Variants in PKIB observed in about 807,000 individuals in gnomAD.
PKIB encodes the protein PKI-beta.
Under a neutral mutation model 4.5 loss-of-function variants are expected in PKIB, and 2 were observed. The ratio of observed to expected loss-of-function variants is 0.44; its 90% CI spans 0.18 to 1.39. The LOEUF is 1.39. Ranked by LOEUF, PKIB falls within the 40% of genes most tolerant of loss-of-function variation. PKIB has a pLI of 0.27. For synonymous variants in PKIB, 38 were observed against 36.0 expected, an observed-to-expected ratio of 1.06 and a Z score of -0.20; for missense variants, 94 against 92.6, an observed-to-expected ratio of 1.02 and a Z score of -0.06.
At chr6:122,677,894 T>TTC (rs1582803382) in intron 3 of PKIB, among the ~76,000 whole-genome samples, 3,544 of 58,582 alleles carry the variant, frequency 0.06, 68 homozygotes, top group Middle Eastern at 0.11. Flanking sequence ...TTCCTTCCTT[T>TTC]CTTTCTTTCT....
At chr6:122,558,768 A>G (rs185896294) in intron 2 of PKIB, among the ~76,000 whole-genome samples, 1 of 152,098 alleles carries the variant, frequency 6.6e-6, no homozygotes, top group African/African-American at 2.4e-5. Flanking sequence ...TATTTTTTCC[A>G]TAAGTTATTG....
chr6:122,683,327 A>G (rs1329485765), intron 3 of PKIB, among the ~76,000 whole-genome samples: 1 of 152,070 alleles, frequency 6.6e-6, no homozygotes, highest in Non-Finnish European at 1.5e-5. Flanking sequence ...GCAAAGGGGG[A>G]ACAGTCATGT....
At chr6:122,570,348 C>A (rs1232974057) in intron 2 of PKIB, among the ~76,000 whole-genome samples, 4 of 152,152 alleles carry the variant, frequency 2.6e-5, no homozygotes, top group Non-Finnish European at 4.4e-5. Context: ...GGACGTCTGC[C>A]CACCATTGGG....
At chr6:122,627,572 T>A (rs1775507976) in intron 1 of PKIB, among the ~76,000 whole-genome samples, 1 of 152,224 alleles carries the variant, frequency 6.6e-6, no homozygotes. Flanking sequence ...CTTCCTTTTC[T>A]GGATAATTCC....
At chr6:122,527,702 TATA>T (rs1235987708) in intron 2 of PKIB, among the ~76,000 whole-genome samples, 2 of 152,106 alleles carry the variant, frequency 1.3e-5, no homozygotes, top group African/African-American at 2.4e-5. Context: ...ACCCTACAGA[TATA>T]ATAATAATGA....
chr6:122,580,621 T>A (rs552908472), intron 2 of PKIB, among the ~76,000 whole-genome samples: 6 of 152,254 alleles, frequency 3.9e-5, no homozygotes, highest in African/African-American at 1.4e-4. Flanking sequence ...TTCAGGCTGC[T>A]GAAACTTGGG....
intron 3 of PKIB, among the ~76,000 whole-genome samples, chr6:122,702,701 T>G (rs1778875748): frequency 1.3e-5 from 2 of 152,210 alleles, no homozygotes; most frequent in Middle Eastern, 3.4e-3. Flanking sequence ...ATGAGAAAGA[T>G]TCGACAAAAA....
At chr6:122,569,044 T>A (rs1773280273) in intron 2 of PKIB, among the ~76,000 whole-genome samples, 1 of 152,102 alleles carries the variant, frequency 6.6e-6, no homozygotes, top group Non-Finnish European at 1.5e-5. Context: ...CCAAAGGCAG[T>A]TATACTCCCC....
intron 2 of PKIB, among the ~76,000 whole-genome samples, chr6:122,555,279 A>C (rs1772805605): frequency 6.6e-6 from 1 of 152,226 alleles, no homozygotes; most frequent in Non-Finnish European, 1.5e-5. Context: ...AGAAGGACCA[A>C]GATGTACAAA....
chr6:122,616,376 G>A (rs561846645), intron 1 of PKIB, among the ~76,000 whole-genome samples: 29 of 152,280 alleles, frequency 1.9e-4, no homozygotes, highest in African/African-American at 6.5e-4. Context: ...AAGCCAGATT[G>A]TGCTGCGTGA....
At chr6:122,544,890 A>T (rs1278655379) in intron 2 of PKIB, among the ~76,000 whole-genome samples, 1 of 152,100 alleles carries the variant, frequency 6.6e-6, no homozygotes, top group Non-Finnish European at 1.5e-5. Context: ...TTTGAAAAAT[A>T]TTCAATATCA....
chr6:122,494,331 C>G (rs1285337091), intron 2 of PKIB, among the ~76,000 whole-genome samples: 1 of 152,092 alleles, frequency 6.6e-6, no homozygotes, highest in Non-Finnish European at 1.5e-5. Flanking sequence ...TCTATTTACC[C>G]TTTTCTAAAA....
At chr6:122,609,457 G>C (rs952273698), upstream of PKIB, among the ~76,000 whole-genome samples, 1 of 148,904 alleles carries the variant, frequency 6.7e-6, no homozygotes, top group Non-Finnish European at 1.5e-5. Flanking sequence ...TAAAATATTA[G>C]TCTGATTATA....
At chr6:122,633,782 T>G (rs1018170733) in intron 2 of PKIB, among the ~76,000 whole-genome samples, 1 of 152,218 alleles carries the variant, frequency 6.6e-6, no homozygotes, top group Admixed American at 6.5e-5. Context: ...TTCTTATTAC[T>G]ACTCTCCTCA....
chr6:122,665,701 A>G (rs888778526), intron 2 of PKIB, among the ~76,000 whole-genome samples: 4 of 150,872 alleles, frequency 2.7e-5, no homozygotes, highest in Non-Finnish European at 4.4e-5. Context: ...GTTTTTAATG[A>G]AAAAAAAACT....
intron 4 of PKIB, among the ~76,000 whole-genome samples, 187 bp from the exon 5 acceptor site, chr6:122,724,941 G>A (rs1175070575): frequency 1.3e-5 from 2 of 152,094 alleles, no homozygotes; most frequent in East Asian, 3.9e-4. Context: ...TGTAGAATAG[G>A]AGAAAGTTGA....
chr6:122,621,553 G>C (rs1333332972), intron 1 of PKIB, among the ~76,000 whole-genome samples: 1 of 152,180 alleles, frequency 6.6e-6, no homozygotes, highest in Non-Finnish European at 1.5e-5. Context: ...GCTATTGTTA[G>C]ATCTTGAAAG....
intron 2 of PKIB, among the ~76,000 whole-genome samples, chr6:122,549,156 C>T (rs1005719040): frequency 6.6e-6 from 1 of 152,080 alleles, no homozygotes; most frequent in African/African-American, 2.4e-5. Context: ...TACTATTATT[C>T]AGTTCATCTG....
chr6:122,655,323 A>G (rs1286993649), intron 2 of PKIB, among the ~76,000 whole-genome samples: 1 of 152,176 alleles, frequency 6.6e-6, no homozygotes, highest in Non-Finnish European at 1.5e-5. Flanking sequence ...ATAAATACCA[A>G]GGTGATGGTT....
Sources: allele counts gnomAD v4.1 joint callset (sites outside exome capture counted in the v4.1 genomes callset), GRCh38; gene constraint gnomAD v4.1.1; transcripts MANE v1.5; gene names NCBI Gene and HGNC (gene_info 2026-07-23, HGNC 2026-07-21).